The following GRID2 variants were observed in gnomAD, a reference collection of about 807,000 sequenced individuals.
GRID2 encodes the protein glutamate ionotropic receptor delta type subunit 2.
Under a neutral mutation model 114.8 loss-of-function variants are expected in GRID2, and 33 were observed. The ratio of observed to expected loss-of-function variants is 0.29; its 90% confidence interval spans 0.22 to 0.38. GRID2 has a LOEUF of 0.38. Among genes scored for constraint, GRID2 ranks in the 10% least tolerant of loss-of-function variants. The probability of loss-of-function intolerance (pLI) is 1.00; values close to 1 mark genes in which losing one functional copy is unlikely to be tolerated. For missense variants in GRID2, 1,184 were observed against 1,257.7 expected (o/e 0.94, Z 0.89); for synonymous variants, 505 against 449.9 (o/e 1.12, Z -1.55).
intron 14 of GRID2, among the ~76,000 whole-genome samples, chr4:93,726,271 G>A (rs1362608462): frequency 6.6e-6 from 1 of 152,136 alleles, no homozygotes; most frequent in East Asian, 1.9e-4. Flanking sequence ...TTTTTGTCAG[G>A]TTTGTCAAAG....
rs571135207 is a variant in GRID2, at chr4:92,892,667, G to A, written c.245-192328G>A. The stretch of plus-strand genomic sequence containing the variant: ...ACTGCCAGTTCATGACCCTGAGATT[G>A]GAGAAATTAATAAGAAAAATATAAA... On this transcript the variant is annotated intron_variant, in intron 2 of 15. Coordinates refer to ENST00000282020, the MANE Select transcript of GRID2 (RefSeq NM_001510.4). 3.9e-5 allele frequency among the ~76,000 whole-genome samples: 6 copies of A among 152,110 alleles called. No individual in the cohort carries two copies. In the East Asian group the frequency reaches 9.7e-4, roughly 24 times the overall value.
At chr4:92,484,356 T>C (rs1378813818) in intron 1 of GRID2, among the ~76,000 whole-genome samples, 1 of 152,142 alleles carries the variant, frequency 6.6e-6, no homozygotes, top group African/African-American at 2.4e-5. Context: ...AAGGTAAAGA[T>C]AAAATGTCAT....
intron 13 of GRID2, among the ~76,000 whole-genome samples, chr4:93,547,105 G>T (rs1733298592): frequency 6.6e-6 from 1 of 152,092 alleles, no homozygotes; most frequent in Non-Finnish European, 1.5e-5. Flanking sequence ...AGCTCCTAGA[G>T]TTGATAGAGA....
chr4:92,940,859 C>A (rs1269390820), intron 2 of GRID2, among the ~76,000 whole-genome samples: 1 of 152,066 alleles, frequency 6.6e-6, no homozygotes, highest in Admixed American at 6.6e-5. Context: ...TGTTTATATG[C>A]TGGATTACAT....
At chr4:93,729,853 C>T (rs1454495913) in intron 14 of GRID2, among the ~76,000 whole-genome samples, 2 of 152,164 alleles carry the variant, frequency 1.3e-5, no homozygotes, top group Non-Finnish European at 2.9e-5. Context: ...TGATTTATGG[C>T]ACCCAATGCA....
intron 1 of GRID2, among the ~76,000 whole-genome samples, chr4:92,557,600 T>C (rs1483954654): frequency 1.1e-4 from 17 of 149,732 alleles, no homozygotes; most frequent in African/African-American, 2.9e-4. Context: ...TACCTTATAT[T>C]TGTGTATTAG....
At chr4:92,443,720 G>C (rs1733267127) in intron 1 of GRID2, among the ~76,000 whole-genome samples, 1 of 152,052 alleles carries the variant, frequency 6.6e-6, no homozygotes, top group African/African-American at 2.4e-5. Context: ...GAGAGAAGGG[G>C]TTGGGGTACT....
intron 1 of GRID2, among the ~76,000 whole-genome samples, chr4:92,329,795 T>C: frequency 6.6e-6 from 1 of 151,590 alleles, no homozygotes; most frequent in African/African-American, 2.4e-5. Context: ...AGGAGCAAAA[T>C]GGGGTAGAGA....
intron 1 of GRID2, among the ~76,000 whole-genome samples, chr4:92,409,833 A>G (rs1199717078): frequency 6.6e-6 from 1 of 152,060 alleles, no homozygotes; most frequent in South Asian, 2.1e-4. Flanking sequence ...AGTTTGTTCA[A>G]CAGGGTGTGG....
At chr4:93,131,184 T>A (rs1249266085) in intron 4 of GRID2, among the ~76,000 whole-genome samples, 10 of 137,552 alleles carry the variant, frequency 7.3e-5, no homozygotes, top group Non-Finnish European at 1.5e-4. Context: ...AGATGGAGTC[T>A]CGCTGTGTCA....
chr4:93,625,653 C>A (rs1035373823), intron 13 of GRID2, among the ~76,000 whole-genome samples: 5 of 152,192 alleles, frequency 3.3e-5, no homozygotes, highest in African/African-American at 9.7e-5. Context: ...CGGTGGCTCA[C>A]GCCTGTAATC....
At chr4:93,594,358 G>A (rs973913820) in intron 13 of GRID2, among the ~76,000 whole-genome samples, 4 of 152,190 alleles carry the variant, frequency 2.6e-5, no homozygotes, top group Non-Finnish European at 5.9e-5. Flanking sequence ...CTCCCAGTTA[G>A]GCTGCTCGGG....
At chr4:93,784,457 A>C (rs1734551772) in intron 1 of GRID2, among the ~76,000 whole-genome samples, 1 of 152,168 alleles carries the variant, frequency 6.6e-6, no homozygotes, top group Admixed American at 6.5e-5. Flanking sequence ...TGACAATTGG[A>C]AATGTGAATG....
intron 1 of GRID2, among the ~76,000 whole-genome samples, chr4:92,463,066 A>T (rs1721572951): frequency 6.6e-6 from 1 of 151,990 alleles, no homozygotes; most frequent in East Asian, 1.9e-4. Flanking sequence ...TATTATGACT[A>T]TCACTGTGAA....
chr4:93,267,008 T>C (rs1261272175), intron 8 of GRID2, among the ~76,000 whole-genome samples: 1 of 147,760 alleles, frequency 6.8e-6, no homozygotes, highest in African/African-American at 2.5e-5. Flanking sequence ...ATACATGTTA[T>C]TTAGTGTCCA....
intron 14 of GRID2, among the ~76,000 whole-genome samples, chr4:93,672,002 AT>A (rs140741014): frequency 0.067 from 10,186 of 152,190 alleles, 394 homozygotes; most frequent in South Asian, 0.11. Context: ...AAATAAAAAA[AT>A]ATAATAAACC....
chr4:92,931,013 T>C (rs1168607472), intron 2 of GRID2, among the ~76,000 whole-genome samples: 1 of 150,980 alleles, frequency 6.6e-6, no homozygotes, highest in African/African-American at 2.4e-5. Context: ...CCAATGTGTT[T>C]CATGAGGCAG....
At chr4:93,706,229 A>C (rs1727984513) in intron 14 of GRID2, among the ~76,000 whole-genome samples, 1 of 152,172 alleles carries the variant, frequency 6.6e-6, no homozygotes. Context: ...TATCATTGGC[A>C]TTTTGATAGG....
At chr4:93,227,239 T>C (rs1745590731) in intron 7 of GRID2, among the ~76,000 whole-genome samples, 1 of 151,954 alleles carries the variant, frequency 6.6e-6, no homozygotes, top group Non-Finnish European at 1.5e-5. Flanking sequence ...CTGAATATTA[T>C]ATATATATAA....
Sources: gnomAD v4.1 joint callset for allele counts (sites outside exome capture counted in the v4.1 genomes callset) on GRCh38, gnomAD v4.1.1 for gene constraint, MANE v1.5 for transcripts, NCBI Gene and HGNC (gene_info 2026-07-23, HGNC 2026-07-21) for gene names.